The following RNF216 variants were observed in gnomAD, a reference collection of about 807,000 sequenced individuals.
RNF216 encodes E3 ubiquitin-protein ligase RNF216.
A neutral mutation model predicts 110.8 loss-of-function variants in RNF216; 72 were observed. That is an observed-to-expected ratio of 0.65 (90% confidence interval 0.54 to 0.79). RNF216 has a LOEUF of 0.79. RNF216 is among the 30% of genes least tolerant of loss of function. The pLI, the probability that RNF216 is intolerant of heterozygous loss-of-function variation, is 0.00. For synonymous variants in RNF216, 495 were observed against 407.5 expected, an observed-to-expected ratio of 1.21 and a Z score of -2.59; for missense variants, 1,342 against 1,141.2, an observed-to-expected ratio of 1.18 and a Z score of -2.54.
At chr7:5,711,871 T>TC (rs1462812455) in intron 12 of RNF216, 32 bp from the exon 13 acceptor site, 1 of 1,594,168 alleles carries the variant, frequency 6.3e-7, no homozygotes, top group African/African-American at 1.3e-5. Flanking sequence ...TGACATTACT[T>TC]CAAACATTAA....
chr7:5,638,535 T>G (rs1787538921), intron 15 of RNF216, among the ~76,000 whole-genome samples: 1 of 152,170 alleles, frequency 6.6e-6, no homozygotes, highest in South Asian at 2.1e-4. Flanking sequence ...GAAAACTACC[T>G]ACCAGCAGCC....
chr7:5,693,288 C>G (rs1020024293), intron 13 of RNF216, among the ~76,000 whole-genome samples: 4 of 152,134 alleles, frequency 2.6e-5, no homozygotes, highest in African/African-American at 9.7e-5. Flanking sequence ...GTCCGCAAAG[C>G]CTGAAATATT....
chr7:5,754,226 G>C (rs1795495137), intron 2 of RNF216, among the ~76,000 whole-genome samples: 1 of 150,506 alleles, frequency 6.6e-6, no homozygotes. Flanking sequence ...TGCGATCATA[G>C]CTCACTGCAG....
intron 1 of RNF216, among the ~76,000 whole-genome samples, chr7:5,776,594 CAAAAAA>C (rs35304255): frequency 1.6e-5 from 1 of 62,466 alleles, no homozygotes; most frequent in South Asian, 6.1e-4. Context: ...GACTCCGTCT[CAAAAAA>C]AAAAAAAAAA....
At chr7:5,709,123 A>G (rs1792495103) in intron 13 of RNF216, among the ~76,000 whole-genome samples, 6 of 152,016 alleles carry the variant, frequency 3.9e-5, no homozygotes, top group Admixed American at 3.9e-4. Flanking sequence ...GAGCAGGGAG[A>G]GGGCAATGAG....
In RNF216 at chr7:5,707,353, C is replaced by T. The variant is rs563880919; in HGVS notation, c.2061+4408G>A. On this transcript the variant is annotated intron_variant, in intron 13 of 16. Coordinates refer to ENST00000389902, the MANE Select transcript of RNF216 (RefSeq NM_207111.4). ...TCAGTGTATAAGTCTTTACCCACTC[C>T]TTGGTTAAGTTGTTCCTAAGTATTC... Among the ~76,000 whole-genome samples, 8 of 152,228 alleles carry T rather than the reference C, an allele frequency of 5.3e-5. No individual in the cohort carries two copies. In the South Asian group the frequency reaches 1.7e-3, roughly 32 times the overall value.
chr7:5,728,530 G>T (rs1035332), intron 7 of RNF216, among the ~76,000 whole-genome samples: 3 of 151,698 alleles, frequency 2.0e-5, no homozygotes, highest in Admixed American at 2.0e-4. Flanking sequence ...GCCGAGATTA[G>T]GCCACTGCAC....
intron 1 of RNF216, among the ~76,000 whole-genome samples, chr7:5,776,553 C>T (rs375038148): frequency 5.4e-5 from 8 of 146,936 alleles, no homozygotes; most frequent in African/African-American, 2.0e-4. Context: ...TAAGATCGGG[C>T]CACTGCACTC....
chr7:5,747,899 T>A (rs1795118967), intron 3 of RNF216, among the ~76,000 whole-genome samples: 1 of 151,882 alleles, frequency 6.6e-6, no homozygotes, highest in South Asian at 2.1e-4. Context: ...CTGCTAGGCC[T>A]CTCAAAGGAC....
chr7:5,643,529 G>T (rs549376800), intron 14 of RNF216, among the ~76,000 whole-genome samples: 1 of 152,178 alleles, frequency 6.6e-6, no homozygotes, highest in Admixed American at 6.6e-5. Flanking sequence ...GACTCCTGTA[G>T]TTATCTGTGC....
intron 9 of RNF216, among the ~76,000 whole-genome samples, chr7:5,719,082 T>C (rs1238643149): frequency 2.0e-5 from 3 of 152,110 alleles, no homozygotes; most frequent in South Asian, 2.1e-4. Flanking sequence ...ACTTTTAGCA[T>C]CAGAGAAAAG....
chr7:5,647,046 G>A (rs1045604370), intron 14 of RNF216, among the ~76,000 whole-genome samples: 2 of 152,092 alleles, frequency 1.3e-5, no homozygotes, highest in Non-Finnish European at 1.5e-5. Flanking sequence ...AGCTGCAGCT[G>A]GTACATGCCT....
At chr7:5,694,599 T>C (rs1032719966) in intron 13 of RNF216, among the ~76,000 whole-genome samples, 9 of 152,240 alleles carry the variant, frequency 5.9e-5, no homozygotes, top group Admixed American at 1.3e-4. Context: ...TTCTTGTTTA[T>C]AGGAAAACCT....
chr7:5,749,549 A>T (rs1468342568), intron 3 of RNF216, among the ~76,000 whole-genome samples: 1 of 152,202 alleles, frequency 6.6e-6, no homozygotes, highest in Non-Finnish European at 1.5e-5. Flanking sequence ...GTTCAGAAAT[A>T]ACTAAATTTC....
At chr7:5,651,405 T>C (rs962361593) in intron 14 of RNF216, among the ~76,000 whole-genome samples, 13 of 152,016 alleles carry the variant, frequency 8.6e-5, no homozygotes, top group African/African-American at 3.1e-4. Context: ...TTTTATTTTT[T>C]ATTTTTTGTA....
In RNF216 at chr7:5,696,106, C is replaced by A. The variant is rs550301181; in HGVS notation, c.2061+15655G>T. Among the ~76,000 whole-genome samples the A allele has an allele frequency of 1.3e-5, 2 of 152,138 alleles. No individual in the cohort carries two copies. Among genetic ancestry groups the A allele is most frequent in the Non-Finnish European group, 2.9e-5 (2 of 68,024 alleles). On this transcript the variant is annotated intron_variant, in intron 13 of 16. Coordinates refer to ENST00000389902, the MANE Select transcript of RNF216 (RefSeq NM_207111.4). This position sits in a 1 kb window ranked among gnomAD's most constrained non-coding sequence, Gnocchi z 5.4. ...GCACGGAAGGACAAGAAAGCAGCCA[C>A]CAGCTCCAGACAAATCCAGCCCAAG... is the stretch of plus-strand genomic sequence containing the variant.
At chr7:5,749,140 T>C (rs550560513) in intron 3 of RNF216, among the ~76,000 whole-genome samples, 24 of 136,728 alleles carry the variant, frequency 1.8e-4, no homozygotes, top group African/African-American at 6.4e-4. Flanking sequence ...TCAGCAAAAA[T>C]GCCCATGTAT....
At chr7:5,747,778 GGA>G (rs1795110880) in intron 3 of RNF216, among the ~76,000 whole-genome samples, 8 of 118,636 alleles carry the variant, frequency 6.7e-5, no homozygotes, top group South Asian at 2.8e-4. Context: ...AAAAAAAAGG[GGA>G]AAAAAAAAGA....
At chr7:5,749,952 T>C (rs182679155) in intron 3 of RNF216, among the ~76,000 whole-genome samples, 1 of 152,338 alleles carries the variant, frequency 6.6e-6, no homozygotes, top group African/African-American at 2.4e-5. Flanking sequence ...AGGAAACTTT[T>C]TTCTTTTAAG....
Sources: gnomAD v4.1 joint callset for allele counts (sites outside exome capture counted in the v4.1 genomes callset) on GRCh38, gnomAD v4.1.1 for gene constraint, Gnocchi (gnomAD v3.1) non-coding constraint, MANE v1.5 for transcripts, NCBI Gene and HGNC (gene_info 2026-07-23, HGNC 2026-07-21) for gene names.